RGL3: variants seen among roughly 807,000 people sequenced by gnomAD.
The protein encoded by RGL3 is ral guanine nucleotide dissociation stimulator-like 3.
Under a neutral mutation model 90.6 loss-of-function variants are expected in RGL3, and 85 were observed. That is an observed-to-expected ratio of 0.94 (90% CI 0.79 to 1.12). The LOEUF (loss-of-function observed/expected upper bound fraction) is 1.12, where lower values mean the gene tolerates loss of function less well. Among genes scored for constraint, RGL3 ranks in the 50% most tolerant of loss-of-function variants. RGL3 has a pLI of 0.00. For missense variants in RGL3, 1,034 were observed against 939.2 expected, an observed-to-expected ratio of 1.10 and a Z score of -1.32; for synonymous variants, 408 against 385.5, an observed-to-expected ratio of 1.06 and a Z score of -0.68.
intron 9 of RGL3, 129 bp from the exon 10 acceptor site, chr19:11,402,835 C>T (rs1426094618): frequency 8.0e-6 from 6 of 747,198 alleles, no homozygotes; most frequent in South Asian, 3.7e-5. Flanking sequence ...AGGCCAGGTG[C>T]GATGGCTCAC....
chr19:11,401,201 T>C lies in RGL3; in HGVS notation c.1484+810A>G, dbSNP rs146546822. The stretch of plus-strand genomic sequence containing the variant: ...GTCAGAAAATCAGATGGGGTTGAAA[T>C]TGAGGTCAGAGGTCAATTGTGACTA... On this transcript the variant is annotated intron_variant, in intron 13 of 18. Transcript: ENST00000380456. 1.4e-3 allele frequency among the ~76,000 whole-genome samples: 211 copies of C among 151,502 alleles called. 1 individual carries two copies. The highest frequency in any genetic ancestry group is 4.6e-3 in the African/African-American group (190 of 41,316).
intron 9 of RGL3, among the ~76,000 whole-genome samples, chr19:11,404,899 C>G (rs991165908): frequency 1.3e-5 from 2 of 152,140 alleles, no homozygotes; most frequent in African/African-American, 4.8e-5. Flanking sequence ...CCTTAAGTAA[C>G]CTTTTCTTTG....
chr19:11,411,619 C>T (rs892498000), intron 5 of RGL3, among the ~76,000 whole-genome samples: 1 of 152,116 alleles, frequency 6.6e-6, no homozygotes, highest in African/African-American at 2.4e-5. Context: ...TGAATATAGA[C>T]TGGGTATTTT....
rs145966726 is a variant in RGL3 at position 11,402,958 on chromosome 19, A to G, written c.1186-252T>C. Among the ~76,000 whole-genome samples, 213 of 152,066 alleles carry G rather than the reference A, an allele frequency of 1.4e-3. 1 individual carries two copies. The highest frequency in any genetic ancestry group is 4.6e-3 in the African/African-American group (192 of 41,528). On this transcript the variant is annotated intron_variant, in intron 9 of 18. Coordinates refer to ENST00000380456, the MANE Select transcript of RGL3 (RefSeq NM_001035223.4). ...CCCTGTCTCTACTAAAAATACAAAA[A>G]TTAGCCGGGTATGGTGGCTCACACC...
At position 11,406,908 on chromosome 19, in the gene RGL3, G is replaced by C. The variant is rs373277976; in HGVS notation, c.638-44C>G. The C allele has an allele frequency of 4.4e-6, 7 of 1,584,466 alleles. No homozygotes were observed. In the African/African-American group the frequency reaches 8.1e-5, roughly 18 times the overall value. ...TACAAACTCTCAAGTTTGAATCCAA[G>C]ACTGGCTGTGTGACCTTGGGTGAGT... is the stretch of plus-strand genomic sequence containing the variant. On this transcript the variant is annotated intron_variant, in intron 5 of 18. Transcript: ENST00000380456.
chr19:11,418,813 A>C, intron 1 of RGL3, 29 bp from the exon 2 acceptor site: 1 of 1,517,716 alleles, frequency 6.6e-7, no homozygotes, highest in Non-Finnish European at 8.8e-7. Context: ...TCAGGGCACC[A>C]AAGGGGCACA....
At chr19:11,415,484 T>A (rs1968976819) in intron 5 of RGL3, among the ~76,000 whole-genome samples, 1 of 150,674 alleles carries the variant, frequency 6.6e-6, no homozygotes, top group South Asian at 2.1e-4. Flanking sequence ...AAGAATTTGT[T>A]TTTTTTTTTA....
At position 11,406,798 on chromosome 19, in the gene RGL3, C is replaced by G. The variant is rs754729432; in HGVS notation, c.704G>C (p.Gly235Ala). 1 of 1,613,746 alleles carries G rather than the reference C, an allele frequency of 6.2e-7. No individual in the cohort carries two copies. Residue 235 changes from glycine to alanine, a missense_variant, in exon 6 of 19, where the codon GGG becomes GCG. Coordinates refer to ENST00000380456, the MANE Select transcript of RGL3 (RefSeq NM_001035223.4). ...SSEACAEEEE[G>A]LMPQGPQLLD... ...GAGCTGGGGACCTTGAGGCATGAGC[C>G]CTTCCTCTTCCTCCGCGCAGGCCTC...
intron 9 of RGL3, among the ~76,000 whole-genome samples, chr19:11,404,579 AC>A (rs1410301663): frequency 2.0e-5 from 3 of 152,130 alleles, no homozygotes; most frequent in African/African-American, 7.2e-5. Context: ...AACAACAACA[AC>A]AACAAAAAAC....
At chr19:11,414,033 G>A (rs1013304730) in intron 5 of RGL3, among the ~76,000 whole-genome samples, 1 of 147,416 alleles carries the variant, frequency 6.8e-6, no homozygotes, top group Non-Finnish European at 1.5e-5. Flanking sequence ...GGCATGAGCC[G>A]CCGCGCCCAG....
intron 13 of RGL3, 105 bp from the exon 14 acceptor site, chr19:11,400,402 G>T: frequency 1.1e-6 from 1 of 911,376 alleles, no homozygotes; most frequent in Non-Finnish European, 1.6e-6. Context: ...GTAAGGGGGA[G>T]CAGCCAGAGG....
At chr19:11,414,167 A>ATACACCTATATATATATACCTT (rs1568341512) in intron 5 of RGL3, among the ~76,000 whole-genome samples, 23 of 110,972 alleles carry the variant, frequency 2.1e-4, no homozygotes, top group African/African-American at 9.6e-4. Context: ...ATATATATAT[A>ATACACCTATATATATATACCTT]TATATATATA....
chr19:11,406,395 C>G, intron 7 of RGL3, 24 bp downstream of exon 7: 4 of 1,522,484 alleles, frequency 2.6e-6, no homozygotes, highest in Non-Finnish European at 3.5e-6. Flanking sequence ...GCCCCCGCAT[C>G]CCCTCTCCGC....
chr19:11,398,712 G>T (rs1968619626), intron 16 of RGL3, among the ~76,000 whole-genome samples: 1 of 150,330 alleles, frequency 6.7e-6, no homozygotes, highest in Non-Finnish European at 1.5e-5. Context: ...CTGTCACCAG[G>T]CTGGATGGAG....
In RGL3 at chr19:11,410,146, T is replaced by A. The variant is rs551475909; in HGVS notation, c.638-3282A>T. 1.8e-3 allele frequency among the ~76,000 whole-genome samples: 262 copies of A among 149,570 alleles called. 2 individuals are homozygous for A. Among genetic ancestry groups the A allele is most frequent in the African/African-American group, 5.6e-3 (232 of 41,078 alleles). ...TATATTTTTTTATTATTTATTTATT[T>A]TTTATTTTATTTTATTTTATTTTTT... On this transcript the variant is annotated intron_variant, in intron 5 of 18. Coordinates refer to ENST00000380456, the MANE Select transcript of RGL3 (RefSeq NM_001035223.4).
chr19:11,406,422 G>C lies in RGL3; in HGVS notation c.993C>G (p.Ala331=). Residue 331 remains alanine, a synonymous_variant, in exon 7 of 19, where the codon GCC becomes GCG. Transcript: ENST00000380456. ...CCTCTCCGCGCCCGCAACACACCTG[G>C]GCGATGCGGATCCACTTCTCCAGCC... The part of the protein sequence containing the change: ...AQRLEKWIRI[A]QRCRELRNFS... The C allele has an allele frequency of 6.5e-7, 1 of 1,536,418 alleles. No individual in the cohort carries two copies. Among genetic ancestry groups the C allele is most frequent in the Non-Finnish European group, 8.7e-7 (1 of 1,146,096 alleles).
chr19:11,400,084 T>C lies in RGL3; in HGVS notation c.1605A>G (p.Ser535=). 6.2e-7 allele frequency: 1 copy of C among 1,609,878 alleles called. No individual in the cohort carries two copies. The highest frequency in any genetic ancestry group is 1.1e-5 in the South Asian group (1 of 90,636). Residue 535 remains serine, a synonymous_variant, in exon 15 of 19, where the codon TCA becomes TCG. Transcript: ENST00000380456. ...LSAKLAREKS[S]SPSGSPGDPS... Reference sequence around the variant, plus strand: ...GGTCCCCGGGACTCCCACTAGGTGATGAGCTTTTCTCTCGGGCAAGCTTCC... The same window carrying C: ...GGTCCCCGGGACTCCCACTAGGTGACGAGCTTTTCTCTCGGGCAAGCTTCC...
At chr19:11,401,503 C>G (rs1968674768) in intron 13 of RGL3, among the ~76,000 whole-genome samples, 1 of 151,504 alleles carries the variant, frequency 6.6e-6, no homozygotes, top group South Asian at 2.1e-4. Flanking sequence ...TCACGCCATT[C>G]TCCTGCCTCA....
intron 18 of RGL3, among the ~76,000 whole-genome samples, chr19:11,395,448 G>A (rs190051691): frequency 8.7e-4 from 133 of 152,172 alleles, no homozygotes; most frequent in Non-Finnish European, 1.2e-3. Flanking sequence ...CCTCTCTCCC[G>A]TCCCAAGTTC....
Sources: gnomAD v4.1 joint callset for allele counts (sites outside exome capture counted in the v4.1 genomes callset) on GRCh38, gnomAD v4.1.1 for gene constraint, MANE v1.5 for transcripts, NCBI Gene and HGNC (gene_info 2026-07-23, HGNC 2026-07-21) for gene names.